The following LINGO1 variants were observed in gnomAD, a reference collection of about 807,000 sequenced individuals.
LINGO1 encodes the protein leucine-rich repeat and immunoglobulin-like domain-containing nogo receptor-interacting protein 1.
In LINGO1, 11 loss-of-function variants were observed where a neutral mutation model predicts 37.3. The ratio of observed to expected loss-of-function variants is 0.29; its 90% CI spans 0.19 to 0.49. The LOEUF (loss-of-function observed/expected upper bound fraction) is 0.49. Ranked by LOEUF, LINGO1 falls within the 20% of genes least tolerant of loss-of-function variation. LINGO1 has a pLI of 0.99. For missense variants in LINGO1, 585 were observed against 878.2 expected (o/e 0.67, Z 4.22); for synonymous variants, 387 against 403.0 (o/e 0.96, Z 0.48).
intron 1 of LINGO1, among the ~76,000 whole-genome samples, chr15:77,806,885 T>C (rs1042332804): frequency 6.6e-6 from 1 of 152,110 alleles, no homozygotes; most frequent in East Asian, 1.9e-4. Flanking sequence ...ATCCACACTA[T>C]GGAGCCAGAG....
intron 2 of LINGO1, among the ~76,000 whole-genome samples, chr15:77,705,063 G>A (rs2075833061): frequency 6.6e-6 from 1 of 151,976 alleles, no homozygotes; most frequent in African/African-American, 2.4e-5. Flanking sequence ...ATCCCTGGCA[G>A]GGGCACGGGG....
At chr15:77,670,887 GGCCTCAATC>G (rs2075236234) in intron 3 of LINGO1, among the ~76,000 whole-genome samples, 1 of 152,182 alleles carries the variant, frequency 6.6e-6, no homozygotes, top group African/African-American at 2.4e-5. Context: ...TGCTGGATCT[GGCCTCAATC>G]CCCTTTGATG....
chr15:77,811,269 G>T lies in LINGO1; in HGVS notation c.-458+8989C>A, dbSNP rs188293336. 3.1e-3 allele frequency among the ~76,000 whole-genome samples: 471 copies of T among 152,316 alleles called. 2 individuals are homozygous for T. Among genetic ancestry groups the T allele is most frequent in the African/African-American group, 0.01 (436 of 41,560 alleles). ...TAAATTAAACAATAAACAAGAAGTT[G>T]TTTTAGATTTTCCTGACGCTGCAGT... On this transcript the variant is annotated intron_variant, in intron 1 of 5. Transcript: ENST00000562933.
chr15:77,771,435 AGTGTCC>A, intron 1 of LINGO1, among the ~76,000 whole-genome samples: 1 of 152,072 alleles, frequency 6.6e-6, no homozygotes. Context: ...CCCACAGTCT[AGTGTCC>A]CCATGCTTCA....
intron 1 of LINGO1, among the ~76,000 whole-genome samples, chr15:77,750,103 C>A (rs1165200367): frequency 6.6e-6 from 1 of 152,066 alleles, no homozygotes; most frequent in African/African-American, 2.4e-5. Context: ...TGAACACGTG[C>A]CCTGGAGTCA....
At chr15:77,771,060 G>C (rs1206046944) in intron 1 of LINGO1, among the ~76,000 whole-genome samples, 1 of 152,194 alleles carries the variant, frequency 6.6e-6, no homozygotes, top group Non-Finnish European at 1.5e-5. Flanking sequence ...TCAGAGAGAG[G>C]AGAGGTCAAA....
chr15:77,816,386 C>CTT (rs1189299201), intron 1 of LINGO1, among the ~76,000 whole-genome samples: 1 of 152,242 alleles, frequency 6.6e-6, no homozygotes, highest in Non-Finnish European at 1.5e-5. Context: ...GGAAGAAACT[C>CTT]TGAGACTGGT....
intron 1 of LINGO1, among the ~76,000 whole-genome samples, chr15:77,747,599 C>CA (rs2076327132): frequency 6.6e-6 from 1 of 152,188 alleles, no homozygotes; most frequent in Non-Finnish European, 1.5e-5. Flanking sequence ...ACAGATCCCT[C>CA]AATCAAATTA....
Position 77,706,707 on chromosome 15 carries a change from A to G in LINGO1, c.-194-15806T>C, listed in dbSNP as rs531195371. ...CCAGACTGCCCAGTCTCAGTATGCC[A>G]GAAGCCCATCCTGACCCCAAGAAGA... On this transcript the variant is annotated intron_variant, in intron 2 of 3. Transcript: ENST00000561686. Among the ~76,000 whole-genome samples, 5 of 152,354 alleles carry G rather than the reference A, an allele frequency of 3.3e-5. 1 individual carries two copies. The South Asian group carries it at 1.0e-3, about 32-fold the overall frequency.
At position 77,660,481 on chromosome 15, in the gene LINGO1, C is replaced by T. The variant is rs113732728; in HGVS notation, c.-13+16608G>A. Among the ~76,000 whole-genome samples, 281 of 152,274 alleles carry T rather than the reference C, an allele frequency of 1.8e-3. 2 individuals carry two copies. The highest frequency in any genetic ancestry group is 6.2e-3 in the African/African-American group (259 of 41,560). ...GAGAGCAGAGTCTCCCTTGCTCTCCCGAGGCGACCTCAGCAGATGCCTGAC... is the reference window on the plus strand; with the variant it reads ...GAGAGCAGAGTCTCCCTTGCTCTCCTGAGGCGACCTCAGCAGATGCCTGAC... On this transcript the variant is annotated intron_variant, in intron 3 of 3. Transcript: ENST00000559893.
intron 1 of LINGO1, among the ~76,000 whole-genome samples, chr15:77,691,083 T>C (rs1370779462): frequency 6.6e-6 from 1 of 152,248 alleles, no homozygotes; most frequent in East Asian, 1.9e-4. Context: ...GTTCTGTCTC[T>C]GCACTGTCCA....
In LINGO1 at chr15:77,643,635, C is replaced by T. The variant is rs116959935; in HGVS notation, c.-12-27735G>A. 7.0e-4 allele frequency among the ~76,000 whole-genome samples: 106 copies of T among 152,318 alleles called. No homozygotes were observed. The East Asian group carries it at 0.018, about 26-fold the overall frequency. On this transcript the variant is annotated intron_variant, in intron 3 of 3. Transcript: ENST00000559893. Reference sequence around the variant, plus strand: ...ATGGGCAAAGTGTCTGAGAAACTCCCTCATCACAGGGGTGGCATGGAGGTG... The same window carrying T: ...ATGGGCAAAGTGTCTGAGAAACTCCTTCATCACAGGGGTGGCATGGAGGTG...
intron 1 of LINGO1, chr15:77,819,891 C>A (rs56061966): frequency 0.047 from 7,187 of 151,318 alleles, 245 homozygotes; most frequent in Admixed American, 0.082. Flanking sequence ...CTTCTCCCCC[C>A]CTTCCAGTCC....
upstream of LINGO1, among the ~76,000 whole-genome samples, chr15:77,790,674 C>G (rs530411142): frequency 4.6e-5 from 7 of 152,242 alleles, no homozygotes; most frequent in African/African-American, 1.7e-4. Flanking sequence ...TGCTGAAATC[C>G]CCACCACGTG....
At chr15:77,677,457 T>C (rs115693608) in intron 2 of LINGO1, among the ~76,000 whole-genome samples, 126 of 152,190 alleles carry the variant, frequency 8.3e-4, no homozygotes, top group African/African-American at 2.8e-3. Context: ...TCACTGTCTC[T>C]CCATGTCCTC....
chr15:77,706,446 T>C (rs994081532), intron 2 of LINGO1, among the ~76,000 whole-genome samples: 2 of 152,144 alleles, frequency 1.3e-5, no homozygotes, highest in Non-Finnish European at 2.9e-5. Context: ...CTCTTTCTCT[T>C]AGACCAAAAC....
At chr15:77,684,935 G>A (rs993039565) in intron 2 of LINGO1, among the ~76,000 whole-genome samples, 1 of 152,226 alleles carries the variant, frequency 6.6e-6, no homozygotes, top group South Asian at 2.1e-4. Context: ...TGCCCGGGGA[G>A]GGCTCTGGGT....
intron 1 of LINGO1, among the ~76,000 whole-genome samples, chr15:77,778,609 T>C (rs79255897): frequency 0.012 from 1,868 of 152,268 alleles, 39 homozygotes; most frequent in African/African-American, 0.043. Context: ...CTTTCTCTCA[T>C]CCTGCAGCAG....
At chr15:77,802,607 G>T (rs1567592596) in intron 1 of LINGO1, among the ~76,000 whole-genome samples, 1 of 152,002 alleles carries the variant, frequency 6.6e-6, no homozygotes, top group African/African-American at 2.4e-5. Flanking sequence ...GTTCCAGAAG[G>T]CCCCCTTCCC....
Sources: gnomAD v4.1 joint callset for allele counts (sites outside exome capture counted in the v4.1 genomes callset) on GRCh38, gnomAD v4.1.1 for gene constraint, MANE v1.5 for transcripts, NCBI Gene and HGNC (gene_info 2026-07-23, HGNC 2026-07-21) for gene names.